The following XYLT1 variants were observed in gnomAD, a reference collection of about 807,000 sequenced individuals.
The protein encoded by XYLT1 is beta-D-xylosyltransferase 1.
XYLT1 carries 36 observed loss-of-function variants against 91.3 expected under a neutral mutation model. The observed-to-expected ratio is 0.39, with a 90% CI of 0.30 to 0.52. The LOEUF is 0.52. Among genes scored for constraint, XYLT1 ranks in the 20% least tolerant of loss-of-function variants. XYLT1 has a pLI of 0.68. For missense variants in XYLT1, 1,242 were observed against 1,284.5 expected, an observed-to-expected ratio of 0.97 and a Z score of 0.51; for synonymous variants, 588 against 532.0, an observed-to-expected ratio of 1.11 and a Z score of -1.45.
In XYLT1 at chr16:17,172,502, G is replaced by A. The variant is rs560023446; in HGVS notation, c.1290-13593C>T. Among the ~76,000 whole-genome samples, 37 of 121,882 alleles carry A rather than the reference G, an allele frequency of 3.0e-4. No homozygotes were observed. The South Asian group carries it at 7.1e-3, about 23-fold the overall frequency. 80.0% of individuals were successfully genotyped at this position (121,882 alleles called of 152,430 possible). The stretch of plus-strand genomic sequence containing the variant: ...TTTTTTTTTTTTGAGACGGAGTCTC[G>A]CTCTTGTTGCCCAGGCTGGAGTGCA... On this transcript the variant is annotated intron_variant, in intron 5 of 11. Coordinates refer to ENST00000261381, the MANE Select transcript of XYLT1 (RefSeq NM_022166.4).
At chr16:17,172,131 G>T (rs1216249739) in intron 5 of XYLT1, among the ~76,000 whole-genome samples, 1 of 152,184 alleles carries the variant, frequency 6.6e-6, no homozygotes, top group Non-Finnish European at 1.5e-5. Flanking sequence ...TAAATACTTA[G>T]TAAGTATTAA....
intron 1 of XYLT1, among the ~76,000 whole-genome samples, chr16:17,368,254 G>A (rs2141871918): frequency 6.6e-6 from 1 of 152,266 alleles, no homozygotes; most frequent in South Asian, 2.1e-4. Flanking sequence ...GAGAACACCT[G>A]GCTGGAAGGT....
At chr16:17,242,966 C>T (rs1307740675) in intron 3 of XYLT1, among the ~76,000 whole-genome samples, 1 of 152,222 alleles carries the variant, frequency 6.6e-6, no homozygotes, top group Non-Finnish European at 1.5e-5. Context: ...TTAAGGCTGG[C>T]TAGTATTCCA....
chr16:17,144,507 C>T (rs534766264), intron 6 of XYLT1, among the ~76,000 whole-genome samples: 5 of 152,096 alleles, frequency 3.3e-5, no homozygotes, highest in African/African-American at 7.2e-5. Context: ...TCAGGGATGG[C>T]GTCATGGATG....
chr16:17,329,775 G>A (rs2034867996), intron 2 of XYLT1, among the ~76,000 whole-genome samples: 1 of 152,206 alleles, frequency 6.6e-6, no homozygotes. Context: ...AGAAGAGGCA[G>A]TTAACCATCA....
chr16:17,427,207 C>T (rs1209809249), intron 1 of XYLT1, among the ~76,000 whole-genome samples: 1 of 152,218 alleles, frequency 6.6e-6, no homozygotes, highest in South Asian at 2.1e-4. Context: ...ATAGCACCAC[C>T]ATCATGAATG....
intron 6 of XYLT1, among the ~76,000 whole-genome samples, chr16:17,158,429 C>A (rs1055830066): frequency 2.6e-5 from 4 of 152,180 alleles, no homozygotes; most frequent in Non-Finnish European, 2.9e-5. Flanking sequence ...GGCACACGCC[C>A]ATGCTTGTTA....
intron 6 of XYLT1, among the ~76,000 whole-genome samples, chr16:17,157,935 G>A (rs11643425): frequency 6.6e-6 from 1 of 152,170 alleles, no homozygotes; most frequent in Non-Finnish European, 1.5e-5. Context: ...TTTTAGTAGA[G>A]ACAGGGTTTT....
At chr16:17,252,905 A>T (rs2033563775) in intron 3 of XYLT1, among the ~76,000 whole-genome samples, 1 of 152,244 alleles carries the variant, frequency 6.6e-6, no homozygotes, top group Non-Finnish European at 1.5e-5. Context: ...GTAAAGCAAA[A>T]TGAGAAACAC....
intron 11 of XYLT1, among the ~76,000 whole-genome samples, chr16:17,114,224 A>AT (rs1966847761): frequency 6.6e-6 from 1 of 152,236 alleles, no homozygotes. Context: ...ACCAATAGAC[A>AT]TAAGTGTTTC....
chr16:17,306,068 C>T (rs1284976761), intron 2 of XYLT1, among the ~76,000 whole-genome samples: 1 of 152,134 alleles, frequency 6.6e-6, no homozygotes, highest in Non-Finnish European at 1.5e-5. Context: ...GATTAAAAAG[C>T]CAACCCAGAG....
At chr16:17,237,818 T>C (rs997815203) in intron 3 of XYLT1, among the ~76,000 whole-genome samples, 37 of 152,184 alleles carry the variant, frequency 2.4e-4, no homozygotes, top group African/African-American at 8.9e-4. Context: ...CCAAGCAAGT[T>C]AGCTGAGAGC....
intron 2 of XYLT1, among the ~76,000 whole-genome samples, chr16:17,275,202 C>CA (rs2033956165): frequency 6.6e-6 from 1 of 151,992 alleles, no homozygotes; most frequent in Non-Finnish European, 1.5e-5. Context: ...CATCAACAAA[C>CA]AAAAAACCCC....
rs953675253 is a variant in XYLT1, at chr16:17,186,437, G to A, written c.1289+11775C>T. Among the ~76,000 whole-genome samples, 10 of 148,770 alleles carry A rather than the reference G, an allele frequency of 6.7e-5. No individual in the cohort carries two copies. In the South Asian group the frequency reaches 8.6e-4, roughly 13 times the overall value. On this transcript the variant is annotated intron_variant, in intron 5 of 11. Coordinates refer to ENST00000261381, the MANE Select transcript of XYLT1 (RefSeq NM_022166.4). ...ATTTTGAGCCTCCCAAGTATCTGGC[G>A]TTACAGGGGTGCACCACCACACCTG...
chr16:17,102,122 C>G lies in XYLT1; in HGVS notation c.*6573G>C, dbSNP rs1234381265. The G allele has an allele frequency of 1.3e-5, 2 of 152,112 alleles. No individual in the cohort carries two copies. The highest frequency in any genetic ancestry group is 6.5e-5 in the Admixed American group (1 of 15,276). The allele number at this position is 152,112 out of a possible 1,614,324, so 9.4% of individuals were successfully genotyped here. Reference sequence around the variant, plus strand: ...TTATGAGGGAAATGTGTCCACACACCCAGGTTTTCCCAGGATAGGCCATTT... The same window carrying G: ...TTATGAGGGAAATGTGTCCACACACGCAGGTTTTCCCAGGATAGGCCATTT... On this transcript the variant is annotated 3_prime_UTR_variant, in exon 12 of 12. Coordinates refer to ENST00000261381, the MANE Select transcript of XYLT1 (RefSeq NM_022166.4).
intron 3 of XYLT1, among the ~76,000 whole-genome samples, chr16:17,201,537 C>G (rs560995985): frequency 6.7e-6 from 1 of 148,690 alleles, no homozygotes; most frequent in African/African-American, 2.5e-5. Flanking sequence ...TGCAGTGGTG[C>G]GATCTTGGCT....
At chr16:17,450,130 G>C (rs764555376) in intron 1 of XYLT1, among the ~76,000 whole-genome samples, 5 of 152,098 alleles carry the variant, frequency 3.3e-5, no homozygotes, top group Non-Finnish European at 5.9e-5. Flanking sequence ...TTGAGGTCAG[G>C]AGTTCAAGAC....
At chr16:17,288,715 G>A (rs923940314) in intron 2 of XYLT1, among the ~76,000 whole-genome samples, 3 of 152,116 alleles carry the variant, frequency 2.0e-5, no homozygotes, top group Non-Finnish European at 2.9e-5. Context: ...GAGAGACCAC[G>A]TGGAGGCGAG....
At chr16:17,138,741 CA>C in intron 7 of XYLT1, 4 of 540,076 alleles carry the variant, frequency 7.4e-6, no homozygotes, top group Non-Finnish European at 1.3e-5. Context: ...TACCAAGCCT[CA>C]GATTTTCCTT....
Sources: allele counts gnomAD v4.1 joint callset (sites outside exome capture counted in the v4.1 genomes callset), GRCh38; gene constraint gnomAD v4.1.1; transcripts MANE v1.5; gene names NCBI Gene and HGNC (gene_info 2026-07-23, HGNC 2026-07-21).